Variants in DELE1 observed in about 807,000 individuals in gnomAD.
DELE1 encodes the protein death ligand signal enhancer.
DELE1 carries 54 observed loss-of-function variants against 59.3 expected under a neutral mutation model. The ratio of observed to expected loss-of-function variants is 0.91; its 90% CI spans 0.73 to 1.14. The LOEUF is 1.14. DELE1 is among the 50% of genes most tolerant of loss of function. The pLI is 0.00. For synonymous variants in DELE1, 264 were observed against 259.1 expected, an observed-to-expected ratio of 1.02 and a Z score of -0.18; for missense variants, 636 against 643.9, an observed-to-expected ratio of 0.99 and a Z score of 0.13.
At chr5:141,935,641 T>C (rs890275710) in intron 10 of DELE1, among the ~76,000 whole-genome samples, 2 of 152,216 alleles carry the variant, frequency 1.3e-5, no homozygotes, top group African/African-American at 2.4e-5. Flanking sequence ...CACCAACAGG[T>C]ATCCACTGCT....
rs1275081853 is a variant in DELE1 at position 141,937,264 on chromosome 5, G to A, written c.1216G>A (p.Gly406Arg). The A allele has an allele frequency of 2.5e-6, 4 of 1,614,104 alleles. No homozygotes were observed. The Admixed American group carries it at 6.7e-5, about 27-fold the overall frequency. Residue 406 changes from glycine to arginine, a missense_variant, in exon 11 of 12, where the codon GGA becomes AGA. Gly to Arg is a moderately radical substitution (Grantham distance 125). Transcript: ENST00000432126. ...AGGCCTTGGTGTGCAGAGGAATCTG[G>A]GAGAGGCCTTGAGATGTTACCAGCA... ...EKGLGVQRNL[G>R]EALRCYQQSA...
At chr5:141,931,712 A>C (rs1596605461) in intron 7 of DELE1, among the ~76,000 whole-genome samples, 1 of 152,182 alleles carries the variant, frequency 6.6e-6, no homozygotes, top group East Asian at 1.9e-4. Context: ...ACCCAAGGGC[A>C]GAGGGCTCTG....
chr5:141,937,022 C>G (rs376544899), intron 10 of DELE1, 176 bp from the exon 11 acceptor site: 28 of 1,485,496 alleles, frequency 1.9e-5, no homozygotes, highest in African/African-American at 1.7e-4. Context: ...TGGGTGAGCT[C>G]TGAGCCTCTG....
At position 141,941,178 on chromosome 5, in the gene DELE1, A is replaced by G. The variant is rs1173725873; in HGVS notation, c.*2419A>G. 3.0e-6 allele frequency: 3 copies of G among 985,286 alleles called. No homozygotes were observed. Among genetic ancestry groups the G allele is most frequent in the African/African-American group, 3.5e-5 (2 of 57,212 alleles). 61.0% of individuals were successfully genotyped at this position (985,286 alleles called of 1,614,324 possible). ...ATTTTCTGACTACTTCCTTCTAGCC[A>G]TAGCTGGGGCCGAGGGCTGGTTCAC... On this transcript the variant is annotated 3_prime_UTR_variant, in exon 12 of 12. Coordinates refer to ENST00000432126, the MANE Select transcript of DELE1 (RefSeq NM_014773.5).
At position 141,939,006 on chromosome 5, in the gene DELE1, C is replaced by A; in HGVS notation, c.*247C>A. The A allele has an allele frequency of 7.6e-7, 1 of 1,322,874 alleles. No individual in the cohort carries two copies. The highest frequency in any genetic ancestry group is 9.7e-7 in the Non-Finnish European group (1 of 1,036,126). 81.9% of individuals were successfully genotyped at this position (1,322,874 alleles called of 1,614,324 possible). A position where few individuals can be genotyped will look rare whatever the true frequency, so the allele number is the denominator to read the frequency against. ...GTGCACCAAAGGATGCATTCAGTGA[C>A]CTATGAAAAACCCTACTGAAGGGTC... On this transcript the variant is annotated 3_prime_UTR_variant, in exon 12 of 12. Transcript: ENST00000432126.
In DELE1 at chr5:141,941,244, G is replaced by A. The variant is rs559949988; in HGVS notation, c.*2485G>A. On this transcript the variant is annotated 3_prime_UTR_variant, in exon 12 of 12. Transcript: ENST00000432126. ...CGTCCTGTGGTGAAGGCCAGATGCA[G>A]CCCTCCCTGAGTGGCTCTCCCTCCC... 7.4e-5 allele frequency: 73 copies of A among 985,536 alleles called. No homozygotes were observed. In the African/African-American group the frequency reaches 9.9e-4, roughly 13 times the overall value. 61.0% of individuals were successfully genotyped at this position (985,536 alleles called of 1,614,324 possible).
chr5:141,936,899 G>A (rs1338638703), intron 10 of DELE1: 9 of 985,252 alleles, frequency 9.1e-6, no homozygotes, highest in Middle Eastern at 5.2e-4. Context: ...ACTGGCCTGA[G>A]TGTTTCCTGT....
chr5:141,936,193 A>G (rs1309230106), intron 10 of DELE1, among the ~76,000 whole-genome samples: 1 of 152,216 alleles, frequency 6.6e-6, no homozygotes, highest in Non-Finnish European at 1.5e-5. Context: ...CTAATAAGGT[A>G]GGTGCTATTA....
intron 10 of DELE1, 105 bp downstream of exon 10, chr5:141,934,691 G>C: frequency 8.8e-7 from 1 of 1,134,546 alleles, no homozygotes; most frequent in Non-Finnish European, 1.3e-6. Flanking sequence ...TGTTGGATAG[G>C]AGCCTTGGCC....
At chr5:141,932,911 A>G (rs530779367) in intron 7 of DELE1, among the ~76,000 whole-genome samples, 1 of 152,106 alleles carries the variant, frequency 6.6e-6, no homozygotes, top group African/African-American at 2.4e-5. Context: ...CCTGGCCAAC[A>G]TGGTGAAACC....
At chr5:141,930,369 C>G (rs1008533514) in intron 7 of DELE1, 95 bp downstream of exon 7, 17 of 878,726 alleles carry the variant, frequency 1.9e-5, no homozygotes, top group Middle Eastern at 6.5e-4. Flanking sequence ...GTGGCTTAAA[C>G]GAGAGATTTT....
Position 141,923,892 on chromosome 5 carries a change from G to C in DELE1, c.-50G>C. 6.4e-7 allele frequency: 1 copy of C among 1,574,756 alleles called. No individual in the cohort carries two copies. The highest frequency in any genetic ancestry group is 8.6e-7 in the Non-Finnish European group (1 of 1,160,024). On this transcript the variant is annotated 5_prime_UTR_variant, in exon 1 of 12. Transcript: ENST00000432126. ...CGGCCTTTCTAGCCGCTGTCCCAAGGGTTGGTCTCGCGCTTTCGGCTGCGA... is the reference window on the plus strand; with the variant it reads ...CGGCCTTTCTAGCCGCTGTCCCAAGCGTTGGTCTCGCGCTTTCGGCTGCGA...
In DELE1 at chr5:141,937,219, C is replaced by T. The variant is rs757400699; in HGVS notation, c.1171C>T (p.Leu391Phe). 48 of 1,614,194 alleles carry T rather than the reference C, an allele frequency of 3.0e-5. No individual in the cohort carries two copies. In the South Asian group the frequency reaches 5.0e-4, roughly 17 times the overall value. ...TTAGGACTCACAGAGCAGGTACCAC[C>T]TTGGAATTTGCTATGAGAAAGGCCT... ...NNGDSQSRYH[L>F]GICYEKGLGV... Residue 391 changes from leucine to phenylalanine, a missense_variant, in exon 11 of 12, where the codon CTT becomes TTT. Leu to Phe is a conservative substitution (Grantham distance 22). Coordinates refer to ENST00000432126, the MANE Select transcript of DELE1 (RefSeq NM_014773.5).
rs145118234 is a variant in DELE1, at chr5:141,927,192, G to A, written c.265-959G>A. On this transcript the variant is annotated intron_variant, in intron 3 of 11. Transcript: ENST00000432126. The stretch of plus-strand genomic sequence containing the variant: ...ATGTCTGTCTTACTTGCTATTGTAT[G>A]CAGTGCCTGGAGCAACAAGTAAGTA... 3.9e-3 allele frequency among the ~76,000 whole-genome samples: 589 copies of A among 152,282 alleles called. 5 individuals are homozygous for A. The highest frequency in any genetic ancestry group is 0.014 in the African/African-American group (569 of 41,546).
chr5:141,932,435 G>A (rs1019497045), intron 7 of DELE1, among the ~76,000 whole-genome samples: 1 of 152,146 alleles, frequency 6.6e-6, no homozygotes, highest in African/African-American at 2.4e-5. Context: ...AACCCACTCT[G>A]GCTAACTTAA....
At position 141,938,557 on chromosome 5, in the gene DELE1, A is replaced by G. The variant is rs1450766649; in HGVS notation, c.1346A>G (p.Lys449Arg). The change falls in exon 12 of 12, where the codon AAG becomes AGG. Residue 449 changes from lysine to arginine, a missense_variant. By Grantham distance (26) the Lys-to-Arg change is conservative. Transcript: ENST00000432126. ...GPSDLTVTGL[K>R]SFSSPSLCSL... ...AGCGACCTGACAGTTACAGGACTGAAGTCTTTCTCCAGCCCCTCCCTCTGC... is the reference window on the plus strand; with the variant it reads ...AGCGACCTGACAGTTACAGGACTGAGGTCTTTCTCCAGCCCCTCCCTCTGC... The G allele has an allele frequency of 1.2e-6, 2 of 1,614,068 alleles. No individual in the cohort carries two copies. The highest frequency in any genetic ancestry group is 1.7e-6 in the Non-Finnish European group (2 of 1,179,988).
Position 141,924,639 on chromosome 5 carries a change from A to T in DELE1, c.90A>T (p.Pro30=), listed in dbSNP as rs1234148069. ...GGGTGACTCCTAAGTCCACCAGCCC[A>T]GATGGGCCTCAGACTACCTCCTCCA... ...LWRVTPKSTS[P]DGPQTTSSTL... The change falls in exon 2 of 12, where the codon CCA becomes CCT. Residue 30 remains proline, a synonymous_variant. Transcript: ENST00000432126. 1 of 1,614,180 alleles carries T rather than the reference A, an allele frequency of 6.2e-7. No homozygotes were observed. Among genetic ancestry groups the T allele is most frequent in the Admixed American group, 1.7e-5 (1 of 60,024 alleles).
Position 141,938,774 on chromosome 5 carries a change from T to C in DELE1, c.*15T>C. ...GTTTTGGCTAAGGTGAGATAAAACATAGTCCCTGGTGCCTCTTAGGGGCCA... is the reference window on the plus strand; with the variant it reads ...GTTTTGGCTAAGGTGAGATAAAACACAGTCCCTGGTGCCTCTTAGGGGCCA... On this transcript the variant is annotated 3_prime_UTR_variant, in exon 12 of 12. Coordinates refer to ENST00000432126, the MANE Select transcript of DELE1 (RefSeq NM_014773.5). 1 of 1,601,632 alleles carries C rather than the reference T, an allele frequency of 6.2e-7. No individual in the cohort carries two copies. Among genetic ancestry groups the C allele is most frequent in the Non-Finnish European group, 8.5e-7 (1 of 1,172,738 alleles).
In DELE1 at chr5:141,930,213, GGCT is replaced by G; in HGVS notation, c.695_697del (p.Ala232del). 6.2e-7 allele frequency: 1 copy of G among 1,614,032 alleles called. No individual in the cohort carries two copies. Among genetic ancestry groups the G allele is most frequent in the Non-Finnish European group, 8.5e-7 (1 of 1,179,902 alleles). On this transcript the variant is annotated inframe_deletion, in exon 7 of 12. Coordinates refer to ENST00000432126, the MANE Select transcript of DELE1 (RefSeq NM_014773.5). ...AATCAAAAACTCTTTCCCTTGAGGAGGCTGTGACTTCCATTCAGCAGCTCTTCC... is the reference window on the plus strand; with the variant it reads ...AATCAAAAACTCTTTCCCTTGAGGAGGTGACTTCCATTCAGCAGCTCTTCC...
Sources: allele counts gnomAD v4.1 joint callset (sites outside exome capture counted in the v4.1 genomes callset), GRCh38; gene constraint gnomAD v4.1.1; transcripts MANE v1.5; gene names NCBI Gene and HGNC (gene_info 2026-07-23, HGNC 2026-07-21).